Variants in ACOX2 observed in about 807,000 individuals in gnomAD.
ACOX2 encodes acyl-CoA oxidase 2.
ACOX2 carries 59 observed loss-of-function variants against 77.5 expected under a neutral mutation model. The ratio of observed to expected loss-of-function variants is 0.76; its 90% CI spans 0.62 to 0.95. The LOEUF is 0.95. Ranked by LOEUF, ACOX2 falls within the 40% of genes least tolerant of loss-of-function variation. ACOX2 has a pLI of 0.00. For missense variants in ACOX2, 837 were observed against 880.4 expected (o/e 0.95, Z 0.62); for synonymous variants, 317 against 340.1 (o/e 0.93, Z 0.75).
rs557984402 is a variant in ACOX2 at position 58,531,199 on chromosome 3, G to A, written c.819+52C>T. On this transcript the variant is annotated intron_variant, in intron 7 of 14. Coordinates refer to ENST00000302819, the MANE Select transcript of ACOX2 (RefSeq NM_003500.4). This position sits in a 1 kb window ranked among gnomAD's most constrained non-coding sequence, Gnocchi z 5.8. ...GACCCAGGCCCAGCCTGCACAAAGCGCAGGTCCCCTCTCCAGGAAGTACAA... is the reference window on the plus strand; with the variant it reads ...GACCCAGGCCCAGCCTGCACAAAGCACAGGTCCCCTCTCCAGGAAGTACAA... 8.4e-6 allele frequency: 13 copies of A among 1,543,234 alleles called. No individual in the cohort carries two copies. Among genetic ancestry groups the A allele is most frequent in the Middle Eastern group, 4.7e-4 (2 of 4,282 alleles).
intron 7 of ACOX2, 70 bp from the exon 8 acceptor site, chr3:58,530,708 T>A (rs1560219877): frequency 6.6e-7 from 1 of 1,505,204 alleles, no homozygotes; most frequent in Non-Finnish European, 9.0e-7. Flanking sequence ...TCTCCAGAGC[T>A]GTGGGGCTCC....
rs1009416594 is a variant in ACOX2 at position 58,533,423 on chromosome 3, A to G, written c.583+22T>C. 3.2e-5 allele frequency: 51 copies of G among 1,601,690 alleles called. No homozygotes were observed. The highest frequency in any genetic ancestry group is 1.7e-4 in the Middle Eastern group (1 of 6,054). On this transcript the variant is annotated intron_variant, in intron 5 of 14. Transcript: ENST00000302819. The surrounding 1 kb of genome is among the most constrained non-coding windows in gnomAD (Gnocchi z 5.6). ...TCTTCTACTTGGGGAGAGTTAAGGA[A>G]GGGGGGTGGATGTATACTCACAGTC...
chr3:58,511,295 C>T, intron 13 of ACOX2: 1 of 347,280 alleles, frequency 2.9e-6, no homozygotes, highest in South Asian at 2.4e-5. Flanking sequence ...GTAGGCCTGG[C>T]TGGTTGCTGT....
rs1229914637 is a variant in ACOX2 at position 58,526,406 on chromosome 3, A to G, written c.1346+60T>C. 4 of 1,519,278 alleles carry G rather than the reference A, an allele frequency of 2.6e-6. No homozygotes were observed. The highest frequency in any genetic ancestry group is 2.7e-6 in the Non-Finnish European group (3 of 1,128,258). The allele number at this position is 1,519,278 out of a possible 1,614,324, so 94.1% of individuals were successfully genotyped here. On this transcript the variant is annotated intron_variant, in intron 10 of 14. Transcript: ENST00000302819. This position sits in a 1 kb window ranked among gnomAD's most constrained non-coding sequence, Gnocchi z 4.3. Reference sequence around the variant, plus strand: ...GGCCTCAGACGGAACCCTCCACCCAACAGAAGCTTGGTGGGTCCCCAAGGG... The same window carrying G: ...GGCCTCAGACGGAACCCTCCACCCAGCAGAAGCTTGGTGGGTCCCCAAGGG...
Position 58,507,432 on chromosome 3 carries a change from T to C in ACOX2, c.1983+1461A>G, listed in dbSNP as rs543931148. Among the ~76,000 whole-genome samples the C allele has an allele frequency of 3.3e-5, 5 of 152,350 alleles. No individual in the cohort carries two copies. In the East Asian group the frequency reaches 7.7e-4, roughly 24 times the overall value. Reference sequence around the variant, plus strand: ...TCATGTAGTATCCAGATTAAAGTCTTTTAAAATAAATATTAAAACCAACTA... The same window carrying C: ...TCATGTAGTATCCAGATTAAAGTCTCTTAAAATAAATATTAAAACCAACTA... On this transcript the variant is annotated intron_variant, in intron 14 of 14. Transcript: ENST00000302819.
Position 58,528,203 on chromosome 3 carries a change from A to T in ACOX2, c.1155+591T>A, listed in dbSNP as rs1228228264. Among the ~76,000 whole-genome samples the T allele has an allele frequency of 6.6e-6, 1 of 152,174 alleles. No individual in the cohort carries two copies. Among genetic ancestry groups the T allele is most frequent in the Non-Finnish European group, 1.5e-5 (1 of 68,030 alleles). On this transcript the variant is annotated intron_variant, in intron 9 of 14. Coordinates refer to ENST00000302819, the MANE Select transcript of ACOX2 (RefSeq NM_003500.4). The surrounding 1 kb of genome is among the most constrained non-coding windows in gnomAD (Gnocchi z 5.6). The stretch of plus-strand genomic sequence containing the variant: ...TGCCTCATTGCAGTTGGAAGGGTTA[A>T]TGAGCAGTGCTTATAAAGCATGGTA...
chr3:58,509,072 G>A, intron 13 of ACOX2, 47 bp from the exon 14 acceptor site: 2 of 1,595,450 alleles, frequency 1.3e-6, no homozygotes, highest in Middle Eastern at 1.7e-4. Flanking sequence ...TTGCTCTTAT[G>A]AATCAAACTA....
At position 58,526,322 on chromosome 3, in the gene ACOX2, T is replaced by A. The variant is rs2063393691; in HGVS notation, c.1346+144A>T. On this transcript the variant is annotated intron_variant, in intron 10 of 14. Coordinates refer to ENST00000302819, the MANE Select transcript of ACOX2 (RefSeq NM_003500.4). The surrounding 1 kb of genome is among the most constrained non-coding windows in gnomAD (Gnocchi z 4.3). ...GGTGGCCTAGAAGTGGATAGGTTAGTCATACTGGGGAATTGGACAGCTCCC... is the reference window on the plus strand; with the variant it reads ...GGTGGCCTAGAAGTGGATAGGTTAGACATACTGGGGAATTGGACAGCTCCC... 1.1e-6 allele frequency: 1 copy of A among 919,716 alleles called. No individual in the cohort carries two copies. Among genetic ancestry groups the A allele is most frequent in the Admixed American group, 2.9e-5 (1 of 34,548 alleles). The allele number at this position is 919,716 out of a possible 1,614,324, so 57.0% of individuals were successfully genotyped here.
chr3:58,530,752 C>T (rs1221459653), intron 7 of ACOX2, 114 bp from the exon 8 acceptor site: 3 of 1,286,668 alleles, frequency 2.3e-6, no homozygotes, highest in Non-Finnish European at 3.2e-6. Context: ...TCAACCGGCG[C>T]ATCTGGAGTT....
intron 13 of ACOX2, among the ~76,000 whole-genome samples, chr3:58,513,268 T>TAGTCTGTA (rs535832769): frequency 1.4e-3 from 207 of 152,348 alleles, no homozygotes; most frequent in Admixed American, 4.2e-3. Flanking sequence ...TAGGCATCTG[T>TAGTCTGTA]GACCCTTTTT....
At chr3:58,530,058 A>T (rs1320169245) in intron 8 of ACOX2, among the ~76,000 whole-genome samples, 1 of 152,252 alleles carries the variant, frequency 6.6e-6, no homozygotes. Context: ...GGCCTGACAG[A>T]ATCAACTCAG....
chr3:58,535,073 C>T lies in ACOX2; in HGVS notation c.34G>A (p.Asp12Asn), dbSNP rs201238108. ...GSPVHRVSLGDTWSRQMHPDI... is the reference protein window; with the variant it reads ...GSPVHRVSLGNTWSRQMHPDI... ...GGGTGCATTTGCCTGCTCCAGGTATCCCCCAATGACACTCGGTGCACTGGG... is the reference window on the plus strand; with the variant it reads ...GGGTGCATTTGCCTGCTCCAGGTATTCCCCAATGACACTCGGTGCACTGGG... The change falls in exon 2 of 15, where the codon GAT becomes AAT. Residue 12 changes from aspartate to asparagine, a missense_variant. Physicochemically the swap from Asp to Asn is conservative, Grantham distance 23 (BLOSUM62 1). Coordinates refer to ENST00000302819, the MANE Select transcript of ACOX2 (RefSeq NM_003500.4). This position sits in a 1 kb window ranked among gnomAD's most constrained non-coding sequence, Gnocchi z 4.8. 2.5e-5 allele frequency: 40 copies of T among 1,614,208 alleles called. No homozygotes were observed. The highest frequency in any genetic ancestry group is 1.6e-4 in the Middle Eastern group (1 of 6,062).
intron 1 of ACOX2, among the ~76,000 whole-genome samples, chr3:58,536,572 C>T (rs1156842794): frequency 6.6e-6 from 1 of 152,154 alleles, no homozygotes. Flanking sequence ...CTGCAAGTGC[C>T]CCTAGTGCGG....
chr3:58,519,882 G>A lies in ACOX2; in HGVS notation c.1633-2459C>T, dbSNP rs752818120. Among the ~76,000 whole-genome samples, 12 of 152,244 alleles carry A rather than the reference G, an allele frequency of 7.9e-5. 1 individual carries two copies. Among genetic ancestry groups the A allele is most frequent in the South Asian group, 2.1e-4 (1 of 4,836 alleles). The stretch of plus-strand genomic sequence containing the variant: ...ACTGGGTCCAGCTTGGCAGAACTGC[G>A]GACCCGCACTCCTTTTCCTGTCCTA... On this transcript the variant is annotated intron_variant, in intron 12 of 14. Transcript: ENST00000302819. The surrounding 1 kb of genome is among the most constrained non-coding windows in gnomAD (Gnocchi z 5.0).
Position 58,519,649 on chromosome 3 carries a change from G to A in ACOX2, c.1633-2226C>T, listed in dbSNP as rs1300963321. On this transcript the variant is annotated intron_variant, in intron 12 of 14. Coordinates refer to ENST00000302819, the MANE Select transcript of ACOX2 (RefSeq NM_003500.4). The surrounding 1 kb of genome is among the most constrained non-coding windows in gnomAD (Gnocchi z 5.0). ...CAGAATTTGCTCTGTGGGACTGGGA[G>A]TCTTCAGCTGGGCAGTGACCCGATC... is the stretch of plus-strand genomic sequence containing the variant. Among the ~76,000 whole-genome samples the A allele has an allele frequency of 6.6e-6, 1 of 152,190 alleles. No homozygotes were observed. Among genetic ancestry groups the A allele is most frequent in the African/African-American group, 2.4e-5 (1 of 41,444 alleles).
intron 13 of ACOX2, among the ~76,000 whole-genome samples, chr3:58,510,268 C>T (rs542674229): frequency 6.6e-6 from 1 of 152,050 alleles, no homozygotes; most frequent in South Asian, 2.1e-4. Flanking sequence ...ATTTAATGTC[C>T]CCCTGCCCCC....
In ACOX2 at chr3:58,523,052, T is replaced by C. The variant is rs2063370717; in HGVS notation, c.1527-451A>G. 1 of 157,166 alleles carries C rather than the reference T, an allele frequency of 6.4e-6. No individual in the cohort carries two copies. Among genetic ancestry groups the C allele is most frequent in the African/African-American group, 2.4e-5 (1 of 41,600 alleles). The allele number at this position is 157,166 out of a possible 1,614,324, so 9.7% of individuals were successfully genotyped here. A position where few individuals can be genotyped will look rare whatever the true frequency, so the allele number is the denominator to read the frequency against. ...AGAGAGGCCCGTCGGTCACCTAGCCTGCTGCAGGTTCTACCCAAGGGACCT... is the reference window on the plus strand; with the variant it reads ...AGAGAGGCCCGTCGGTCACCTAGCCCGCTGCAGGTTCTACCCAAGGGACCT... On this transcript the variant is annotated intron_variant, in intron 11 of 14. Coordinates refer to ENST00000302819, the MANE Select transcript of ACOX2 (RefSeq NM_003500.4). The surrounding 1 kb of genome is among the most constrained non-coding windows in gnomAD (Gnocchi z 5.3).
chr3:58,534,203 C>T lies in ACOX2; in HGVS notation c.324-58G>A. The T allele has an allele frequency of 1.2e-6, 2 of 1,606,618 alleles. No individual in the cohort carries two copies. Among genetic ancestry groups the T allele is most frequent in the Non-Finnish European group, 1.7e-6 (2 of 1,176,698 alleles). The stretch of plus-strand genomic sequence containing the variant: ...TATTGGAGACAGGGGCCCAGGTACC[C>T]CCTGCCTGAGCAGAGTACAGGAGAT... On this transcript the variant is annotated intron_variant, in intron 3 of 14. Transcript: ENST00000302819. This position sits in a 1 kb window ranked among gnomAD's most constrained non-coding sequence, Gnocchi z 4.8.
At chr3:58,529,135 T>C in intron 8 of ACOX2, 179 bp from the exon 9 acceptor site, 1 of 552,296 alleles carries the variant, frequency 1.8e-6, no homozygotes, top group Non-Finnish European at 3.0e-6. Context: ...CATCCACACA[T>C]TTCACTGCAG....
Sources: gnomAD v4.1 joint callset for allele counts (sites outside exome capture counted in the v4.1 genomes callset) on GRCh38, gnomAD v4.1.1 for gene constraint, Gnocchi (gnomAD v3.1) non-coding constraint, MANE v1.5 for transcripts, NCBI Gene and HGNC (gene_info 2026-07-23, HGNC 2026-07-21) for gene names.